CFAP54: variants seen among roughly 807,000 people sequenced by gnomAD.
CFAP54 encodes cilia- and flagella-associated protein 54.
A neutral mutation model predicts 370.4 loss-of-function variants in CFAP54; 290 were observed. The observed-to-expected ratio is 0.78, with a 90% CI of 0.71 to 0.86. The LOEUF is 0.86. CFAP54 is among the 40% of genes least tolerant of loss of function. The pLI is 0.00. For synonymous variants in CFAP54, 1,206 were observed against 1,236.5 expected (o/e 0.98, Z 0.52); for missense variants, 3,399 against 3,528.7 (o/e 0.96, Z 0.93).
chr12:96,695,701 A>C (rs1171559930), intron 45 of CFAP54, among the ~76,000 whole-genome samples: 1 of 152,204 alleles, frequency 6.6e-6, no homozygotes, highest in Non-Finnish European at 1.5e-5. Context: ...TCAGTAATTA[A>C]CTATTGAATT....
chr12:96,810,384 T>C (rs1206219742), intron 63 of CFAP54, among the ~76,000 whole-genome samples: 3 of 152,136 alleles, frequency 2.0e-5, no homozygotes, highest in African/African-American at 7.2e-5. Flanking sequence ...ACCTTTACTC[T>C]TATCTTAGTT....
intron 40 of CFAP54, among the ~76,000 whole-genome samples, chr12:96,681,790 G>A (rs1017182630): frequency 6.6e-6 from 1 of 152,076 alleles, no homozygotes; most frequent in Non-Finnish European, 1.5e-5. Flanking sequence ...GTAGAGACGA[G>A]GTTTCACCAT....
chr12:96,504,106 A>G, intron 3 of CFAP54, 77 bp downstream of exon 3: 1 of 1,343,700 alleles, frequency 7.4e-7, no homozygotes, highest in Non-Finnish European at 9.8e-7. Flanking sequence ...ACAGCTTCTA[A>G]ATGTCTTGTT....
chr12:96,557,192 C>T (rs1955763083), intron 17 of CFAP54, among the ~76,000 whole-genome samples: 1 of 152,270 alleles, frequency 6.6e-6, no homozygotes, highest in South Asian at 2.1e-4. Flanking sequence ...TTTCTATCTT[C>T]AAAGGCAACG....
intron 40 of CFAP54, among the ~76,000 whole-genome samples, chr12:96,680,292 A>G (rs1251783415): frequency 3.3e-5 from 5 of 152,220 alleles, no homozygotes; most frequent in Admixed American, 3.3e-4. Flanking sequence ...TTTCTCTTGT[A>G]ACATCTATCT....
At chr12:96,567,290 C>T (rs571872379) in intron 19 of CFAP54, among the ~76,000 whole-genome samples, 7 of 152,112 alleles carry the variant, frequency 4.6e-5, no homozygotes, top group South Asian at 4.2e-4. Context: ...GATAGTAGCA[C>T]GGGAGACCAG....
rs753773951 is a variant in CFAP54 at position 96,535,500 on chromosome 12, A to T, written c.1706-15A>T. 1.3e-6 allele frequency: 2 copies of T among 1,501,256 alleles called. No homozygotes were observed. The highest frequency in any genetic ancestry group is 2.4e-5 in the South Asian group (2 of 81,776). The allele number at this position is 1,501,256 out of a possible 1,614,324, so 93.0% of individuals were successfully genotyped here. ...TGATTTTTTTGTTTCATTTTCCTCT[A>T]CTTTATGAACTTAGATACTTGTTTG... On this transcript the variant is annotated splice_polypyrimidine_tract_variant and intron_variant, in intron 11 of 67. Coordinates refer to ENST00000524981, the MANE Select transcript of CFAP54 (RefSeq NM_001306084.2).
At chr12:96,803,668 C>T (rs77545429) in intron 63 of CFAP54, among the ~76,000 whole-genome samples, 4 of 152,160 alleles carry the variant, frequency 2.6e-5, no homozygotes, top group South Asian at 2.1e-4. Flanking sequence ...TTTGAACTAT[C>T]GCAGTCACCC....
chr12:96,744,895 C>A (rs1027091387), intron 55 of CFAP54, among the ~76,000 whole-genome samples: 1 of 152,082 alleles, frequency 6.6e-6, no homozygotes, highest in African/African-American at 2.4e-5. Context: ...TCCCCCTCGA[C>A]GTGTCCATGT....
chr12:96,835,320 T>G (rs1201657040), intron 66 of CFAP54, among the ~76,000 whole-genome samples: 1 of 152,108 alleles, frequency 6.6e-6, no homozygotes, highest in African/African-American at 2.4e-5. Context: ...TACTCTGCCC[T>G]GGCTGAACTC....
chr12:96,642,223 G>C (rs1420909737), intron 32 of CFAP54, among the ~76,000 whole-genome samples: 1 of 152,070 alleles, frequency 6.6e-6, no homozygotes, highest in Non-Finnish European at 1.5e-5. Flanking sequence ...TTTTTGACAT[G>C]CTTCCATCAT....
intron 50 of CFAP54, among the ~76,000 whole-genome samples, chr12:96,726,832 T>C (rs1390175609): frequency 2.0e-5 from 3 of 151,926 alleles, no homozygotes; most frequent in African/African-American, 7.2e-5. Context: ...AATTTCCCTC[T>C]ACACACTGCT....
intron 48 of CFAP54, among the ~76,000 whole-genome samples, chr12:96,715,639 C>T (rs1470474568): frequency 6.6e-6 from 1 of 152,004 alleles, no homozygotes; most frequent in African/African-American, 2.4e-5. Context: ...TCACTTTTTC[C>T]TATTTTCCTC....
chr12:96,822,858 C>T (rs1241435520), intron 65 of CFAP54, among the ~76,000 whole-genome samples: 2 of 152,126 alleles, frequency 1.3e-5, no homozygotes, highest in Non-Finnish European at 2.9e-5. Flanking sequence ...TTGGCTCAAA[C>T]TCCAACACCT....
At chr12:96,694,789 C>T (rs951413691) in intron 45 of CFAP54, among the ~76,000 whole-genome samples, 5 of 151,754 alleles carry the variant, frequency 3.3e-5, no homozygotes, top group Admixed American at 2.6e-4. Flanking sequence ...TTTGGGAGGC[C>T]GGGGTGGGCG....
intron 60 of CFAP54, among the ~76,000 whole-genome samples, chr12:96,784,502 C>T (rs1348924497): frequency 2.0e-5 from 3 of 150,706 alleles, no homozygotes; most frequent in Non-Finnish European, 3.0e-5. Context: ...AAAGAGAGTT[C>T]ATATATATAT....
intron 42 of CFAP54, among the ~76,000 whole-genome samples, chr12:96,688,208 T>C (rs1957347620): frequency 6.6e-6 from 1 of 152,206 alleles, no homozygotes; most frequent in Admixed American, 6.5e-5. Flanking sequence ...TATAGAACAC[T>C]CAAACTCTTC....
intron 3 of CFAP54, 114 bp downstream of exon 3, chr12:96,504,143 C>A (rs1177695896): frequency 9.5e-6 from 9 of 949,250 alleles, no homozygotes. Flanking sequence ...TAGCTGTGTG[C>A]TATAAGTTGC....
At chr12:96,561,063 G>A (rs1416996495) in intron 17 of CFAP54, among the ~76,000 whole-genome samples, 1 of 152,080 alleles carries the variant, frequency 6.6e-6, no homozygotes, top group Non-Finnish European at 1.5e-5. Flanking sequence ...GATGCTCAAA[G>A]TCATAAATTT....
Sources: allele counts gnomAD v4.1 joint callset (sites outside exome capture counted in the v4.1 genomes callset), GRCh38; gene constraint gnomAD v4.1.1; transcripts MANE v1.5; gene names NCBI Gene and HGNC (gene_info 2026-07-23, HGNC 2026-07-21).